The following KIAA0040 variants were observed in gnomAD, a reference collection of about 807,000 sequenced individuals.
KIAA0040 encodes uncharacterized protein KIAA0040.
Under a neutral mutation model 7.2 loss-of-function variants are expected in KIAA0040, and 10 were observed. That is an observed-to-expected ratio of 1.38 (90% CI 0.85 to 2.34). The LOEUF (loss-of-function observed/expected upper bound fraction) is 2.34, where lower values mean the gene tolerates loss of function less well. KIAA0040 is among the 30% of genes most tolerant of loss of function. The pLI, the probability that KIAA0040 is intolerant of heterozygous loss-of-function variation, is 0.00. For synonymous variants in KIAA0040, 49 were observed against 40.1 expected (o/e 1.22, Z -0.84); for missense variants, 89 against 108.2 (o/e 0.82, Z 0.79).
chr1:175,190,631 C>G (rs1677832316), intron 1 of KIAA0040, among the ~76,000 whole-genome samples: 1 of 152,214 alleles, frequency 6.6e-6, no homozygotes, highest in South Asian at 2.1e-4. Context: ...ACCACATTCA[C>G]TTGGTCACCA....
At chr1:175,189,376 T>C (rs566531494) in intron 1 of KIAA0040, among the ~76,000 whole-genome samples, 1 of 152,338 alleles carries the variant, frequency 6.6e-6, no homozygotes, top group African/African-American at 2.4e-5. Context: ...TGGACTCAGC[T>C]GCAAGTGGGG....
chr1:175,182,011 T>C (rs1677459306), intron 1 of KIAA0040, among the ~76,000 whole-genome samples: 1 of 152,156 alleles, frequency 6.6e-6, no homozygotes. Context: ...TTAATTGCCA[T>C]GGCATTCCAG....
At chr1:175,190,553 A>G (rs574278512) in intron 1 of KIAA0040, among the ~76,000 whole-genome samples, 25 of 152,244 alleles carry the variant, frequency 1.6e-4, no homozygotes, top group South Asian at 1.0e-3. Context: ...ATGGCTCTAC[A>G]AGGTACCTTC....
At chr1:175,176,867 T>C (rs1677220299) in intron 2 of KIAA0040, among the ~76,000 whole-genome samples, 1 of 151,978 alleles carries the variant, frequency 6.6e-6, no homozygotes, top group Non-Finnish European at 1.5e-5. Context: ...GAAATGCCCT[T>C]CCCAAAAGAG....
chr1:175,172,061 G>A (rs1188307061), intron 2 of KIAA0040, among the ~76,000 whole-genome samples: 1 of 152,182 alleles, frequency 6.6e-6, no homozygotes, highest in Non-Finnish European at 1.5e-5. Flanking sequence ...GGAATCTCCA[G>A]TTCCTTTATT....
At position 175,160,408 on chromosome 1, in the gene KIAA0040, G is replaced by A. The variant is rs1676481317; in HGVS notation, c.*306C>T. ...ACACACTTGGGAACCATATTGAGAT[G>A]TATGGATAAATGTTCTTTGTGCTTT... On this transcript the variant is annotated 3_prime_UTR_variant, in exon 4 of 4. Coordinates refer to ENST00000423313, the MANE Select transcript of KIAA0040 (RefSeq NM_014656.3). 1 of 354,200 alleles carries A rather than the reference G, an allele frequency of 2.8e-6. No individual in the cohort carries two copies. The highest frequency in any genetic ancestry group is 2.1e-5 in the African/African-American group (1 of 48,342). The allele number at this position is 354,200 out of a possible 1,614,324, so 21.9% of individuals were successfully genotyped here. A position where few individuals can be genotyped will look rare whatever the true frequency, so the allele number is the denominator to read the frequency against.
intron 2 of KIAA0040, among the ~76,000 whole-genome samples, chr1:175,167,421 T>C (rs758241435): frequency 2.0e-5 from 3 of 152,136 alleles, no homozygotes; most frequent in Non-Finnish European, 2.9e-5. Flanking sequence ...ATTAGACCCA[T>C]TGCTGTCCCT....
chr1:175,161,082 CA>C lies in KIAA0040; in HGVS notation c.-70del. 7.3e-7 allele frequency: 1 copy of C among 1,367,578 alleles called. No individual in the cohort carries two copies. The highest frequency in any genetic ancestry group is 9.8e-7 in the Non-Finnish European group (1 of 1,016,794). The allele number at this position is 1,367,578 out of a possible 1,614,324, so 84.7% of individuals were successfully genotyped here. On this transcript the variant is annotated 5_prime_UTR_variant, in exon 4 of 4. An upstream open reading frame in the 5' UTR loses its in-frame stop. Transcript: ENST00000423313. ...AGCAGGTCCTGGGCTCAAAAGGATGCAACCTTGACCACTTGTAATTTATTCC... is the reference window on the plus strand; with the variant it reads ...AGCAGGTCCTGGGCTCAAAAGGATGCACCTTGACCACTTGTAATTTATTCC...
chr1:175,173,917 T>G (rs944486581), intron 2 of KIAA0040, among the ~76,000 whole-genome samples: 1 of 152,158 alleles, frequency 6.6e-6, no homozygotes, highest in Non-Finnish European at 1.5e-5. Context: ...TTCCTTTGGT[T>G]TCGTATCAAA....
At position 175,159,027 on chromosome 1, in the gene KIAA0040, C is replaced by G. The variant is rs1220960420; in HGVS notation, c.*1687G>C. The G allele has an allele frequency of 6.6e-6, 1 of 152,154 alleles. No individual in the cohort carries two copies. The highest frequency in any genetic ancestry group is 2.4e-5 in the African/African-American group (1 of 41,442). The allele number at this position is 152,154 out of a possible 1,614,324, so 9.4% of individuals were successfully genotyped here. A position where few individuals can be genotyped will look rare whatever the true frequency, so the allele number is the denominator to read the frequency against. On this transcript the variant is annotated 3_prime_UTR_variant, in exon 4 of 4. Transcript: ENST00000423313. ...TACTATAAATATCATAGTTTAGCTA[C>G]ATTATTAATTAGATAGCAATTTTGC...
intron 1 of KIAA0040, among the ~76,000 whole-genome samples, chr1:175,178,958 T>C (rs930645561): frequency 7.7e-5 from 1 of 13,058 alleles, no homozygotes; most frequent in Non-Finnish European, 1.5e-4. Context: ...TTTATCAGAG[T>C]GGGGGACGGG....
At chr1:175,178,737 G>A (rs1255750291) in intron 1 of KIAA0040, among the ~76,000 whole-genome samples, 2 of 152,138 alleles carry the variant, frequency 1.3e-5, no homozygotes, top group Non-Finnish European at 1.5e-5. Context: ...TCTCTAAGAC[G>A]GGAAGACAAT....
chr1:175,161,751 C>T (rs564417132), intron 3 of KIAA0040, among the ~76,000 whole-genome samples: 10 of 152,282 alleles, frequency 6.6e-5, no homozygotes, highest in African/African-American at 2.4e-4. Flanking sequence ...TTCCCTGCTC[C>T]ATGTCTCCTC....
chr1:175,171,070 C>T (rs1676973821), intron 2 of KIAA0040, among the ~76,000 whole-genome samples: 1 of 152,206 alleles, frequency 6.6e-6, no homozygotes. Context: ...GTATGGTTTT[C>T]CTCAGATCTT....
intron 1 of KIAA0040, among the ~76,000 whole-genome samples, chr1:175,189,031 C>T (rs1183884124): frequency 6.6e-6 from 1 of 152,162 alleles, no homozygotes; most frequent in East Asian, 1.9e-4. Context: ...CACACTTCCC[C>T]TCCCTGAACT....
intron 1 of KIAA0040, among the ~76,000 whole-genome samples, chr1:175,182,582 T>C (rs1180600502): frequency 1.3e-5 from 2 of 151,478 alleles, no homozygotes; most frequent in African/African-American, 4.9e-5. Context: ...CACCAGAGAG[T>C]GGATTGTGTT....
intron 1 of KIAA0040, among the ~76,000 whole-genome samples, chr1:175,178,690 G>C (rs1677305549): frequency 6.6e-6 from 1 of 152,140 alleles, no homozygotes; most frequent in African/African-American, 2.4e-5. Flanking sequence ...CAAGTGGCAG[G>C]GCAAGTCACA....
At chr1:175,180,608 G>T (rs888130132) in intron 1 of KIAA0040, among the ~76,000 whole-genome samples, 1 of 152,210 alleles carries the variant, frequency 6.6e-6, no homozygotes, top group African/African-American at 2.4e-5. Context: ...ATTCTTGGGT[G>T]CTCCTGAGTA....
At chr1:175,162,123 C>T (rs1000405267) in intron 3 of KIAA0040, among the ~76,000 whole-genome samples, 1 of 152,178 alleles carries the variant, frequency 6.6e-6, no homozygotes, top group African/African-American at 2.4e-5. Context: ...TAAAGCTCAG[C>T]TCTCAAGTAT....
Sources: gnomAD v4.1 joint callset for allele counts (sites outside exome capture counted in the v4.1 genomes callset) on GRCh38, gnomAD v4.1.1 for gene constraint, MANE v1.5 for transcripts, NCBI Gene and HGNC (gene_info 2026-07-23, HGNC 2026-07-21) for gene names.